Variants in ACTL6B observed in about 807,000 individuals in gnomAD.
ACTL6B encodes the protein actin-like protein 6B.
ACTL6B carries 48 observed loss-of-function variants against 63.3 expected under a neutral mutation model. The observed-to-expected ratio is 0.76, with a 90% confidence interval of 0.60 to 0.96. The LOEUF is 0.96. Among genes scored for constraint, ACTL6B ranks in the 50% least tolerant of loss-of-function variants. The pLI is 0.00. For missense variants in ACTL6B, 350 were observed against 572.2 expected (o/e 0.61, Z 3.96); for synonymous variants, 230 against 223.8 (o/e 1.03, Z -0.25).
chr7:100,644,250 T>C (rs1270795270), intron 13 of ACTL6B, among the ~76,000 whole-genome samples: 4 of 152,098 alleles, frequency 2.6e-5, no homozygotes, highest in African/African-American at 9.7e-5. Flanking sequence ...CCCAGCCTGG[T>C]CTCAAACTCC....
intron 13 of ACTL6B, among the ~76,000 whole-genome samples, chr7:100,644,256 A>G (rs1471263223): frequency 6.6e-6 from 1 of 151,464 alleles, no homozygotes; most frequent in East Asian, 1.9e-4. Context: ...CTGGTCTCAA[A>G]CTCCTGGGCT....
rs998928845 is a variant in ACTL6B, at chr7:100,643,247, CA to C, written c.1279del (p.Ter427AspfsTer34). On this transcript the variant is annotated frameshift_variant and stop_lost, in exon 14 of 14. Transcript: ENST00000160382. LOFTEE classifies it high-confidence loss of function. ...GCAGGTGTGTGGGGAGGAGTGCCATCAGGGGCACTTTCGCTCCACGCACTGC... is the reference window on the plus strand; with the variant it reads ...GCAGGTGTGTGGGGAGGAGTGCCATCGGGGCACTTTCGCTCCACGCACTGC... ...GKQCVERKCP[*>X] 3.1e-6 allele frequency: 5 copies of C among 1,613,824 alleles called. No individual in the cohort carries two copies. Among genetic ancestry groups the C allele is most frequent in the Non-Finnish European group, 4.2e-6 (5 of 1,179,932 alleles).
chr7:100,655,479 A>G lies in ACTL6B; in HGVS notation c.210T>C (p.Asn70=). The change falls in exon 3 of 14, where the codon AAT becomes AAC. Residue 70 remains asparagine, a synonymous_variant. Coordinates refer to ENST00000160382, the MANE Select transcript of ACTL6B (RefSeq NM_016188.5). The surrounding 1 kb of genome is among the most constrained non-coding windows in gnomAD (Gnocchi z 4.4). ...CTCCATCCCGAGGCACGTGCAGGGCATTGGTGTCGATGTGGAAGATCTTCC... is the reference window on the plus strand; with the variant it reads ...CTCCATCCCGAGGCACGTGCAGGGCGTTGGTGTCGATGTGGAAGATCTTCC... ...KKGKIFHIDT[N]ALHVPRDGAE... The G allele has an allele frequency of 2.5e-6, 4 of 1,614,080 alleles. No individual in the cohort carries two copies. The highest frequency in any genetic ancestry group is 3.4e-6 in the Non-Finnish European group (4 of 1,179,986).
At chr7:100,651,126 G>A (rs1803931803) in intron 4 of ACTL6B, among the ~76,000 whole-genome samples, 1 of 152,160 alleles carries the variant, frequency 6.6e-6, no homozygotes, top group Admixed American at 6.6e-5. Flanking sequence ...GAAGGACAAT[G>A]GAAAAGTGCC....
At position 100,646,369 on chromosome 7, in the gene ACTL6B, C is replaced by G; in HGVS notation, c.1114-34G>C. The G allele has an allele frequency of 6.2e-7, 1 of 1,608,752 alleles. No homozygotes were observed. The highest frequency in any genetic ancestry group is 8.5e-7 in the Non-Finnish European group (1 of 1,177,230). On this transcript the variant is annotated intron_variant, in intron 12 of 13. Transcript: ENST00000160382. The surrounding 1 kb of genome is among the most constrained non-coding windows in gnomAD (Gnocchi z 6.1). ...AAAAAGGGGCTGGGGGAAGCAGACA[C>G]CTAGGTTCTGGGAAGGGACAGGGCT...
rs1209628819 is a variant in ACTL6B, at chr7:100,647,960, C to CT, written c.670-428dup. Reference sequence around the variant, plus strand: ...ATATCATGCTGTTGGTCACACAGCTCTTTTTTTTTTTTTTTTTCAGATGGA... The same window carrying CT: ...ATATCATGCTGTTGGTCACACAGCTCTTTTTTTTTTTTTTTTTTCAGATGGA... On this transcript the variant is annotated intron_variant, in intron 7 of 13. Coordinates refer to ENST00000160382, the MANE Select transcript of ACTL6B (RefSeq NM_016188.5). This position sits in a 1 kb window ranked among gnomAD's most constrained non-coding sequence, Gnocchi z 4.4. 0.18 allele frequency among the ~76,000 whole-genome samples: 23,928 copies of CT among 134,068 alleles called. 2,336 individuals carry two copies. The highest frequency in any genetic ancestry group is 0.21 in the Non-Finnish European group (13,322 of 62,438). 88.0% of individuals were successfully genotyped at this position (134,068 alleles called of 152,430 possible).
chr7:100,653,407 T>C (rs1803978909), intron 4 of ACTL6B, among the ~76,000 whole-genome samples: 1 of 151,538 alleles, frequency 6.6e-6, no homozygotes, highest in South Asian at 2.1e-4. Context: ...CCCAGCCTTT[T>C]GGGAGGCCGA....
At position 100,648,490 on chromosome 7, in the gene ACTL6B, G is replaced by A. The variant is rs1486005774; in HGVS notation, c.669+66C>T. The A allele has an allele frequency of 5.1e-6, 7 of 1,360,246 alleles. No individual in the cohort carries two copies. Among genetic ancestry groups the A allele is most frequent in the East Asian group, 2.5e-5 (1 of 39,858 alleles). 84.3% of individuals were successfully genotyped at this position (1,360,246 alleles called of 1,614,324 possible). On this transcript the variant is annotated intron_variant, in intron 7 of 13. Transcript: ENST00000160382. This position sits in a 1 kb window ranked among gnomAD's most constrained non-coding sequence, Gnocchi z 4.4. ...CTGCTCTGATATCTCATGTGTCAGA[G>A]GGTTGACGGCCATGGGGCGAGTGGC...
chr7:100,656,183 C>A (rs560765712), intron 1 of ACTL6B, 147 bp downstream of exon 1: 3 of 1,013,548 alleles, frequency 3.0e-6, no homozygotes, highest in East Asian at 3.2e-5. Flanking sequence ...TGGGGAGGAC[C>A]GAGCGCAGGG....
intron 4 of ACTL6B, among the ~76,000 whole-genome samples, chr7:100,653,781 C>T (rs983534211): frequency 3.3e-5 from 5 of 151,960 alleles, no homozygotes; most frequent in Admixed American, 2.6e-4. Context: ...GAGAGCTAAG[C>T]GATCATTTTC....
Position 100,646,604 on chromosome 7 carries a change from G to T in ACTL6B, c.1060C>A (p.Leu354Met). ...SVIVTGGNTL[L>M]QGFTDRLNRE... Reference sequence around the variant, plus strand: ...TTGAGCCTGTCAGTGAAGCCCTGCAGCAGTGTGTTCCCGCCGGTGACAATG... The same window carrying T: ...TTGAGCCTGTCAGTGAAGCCCTGCATCAGTGTGTTCCCGCCGGTGACAATG... The change falls in exon 12 of 14, where the codon CTG becomes ATG. Residue 354 changes from leucine (L) to methionine (M), a missense_variant. By Grantham distance (15) the Leu-to-Met change is conservative. Around this residue, in one of 3 missense-constraint regions of ACTL6B, gnomAD observed 76 missense variants for 126.1 expected, o/e 0.60. Transcript: ENST00000160382. The surrounding 1 kb of genome is among the most constrained non-coding windows in gnomAD (Gnocchi z 6.1). 4 of 1,614,044 alleles carry T rather than the reference G, an allele frequency of 2.5e-6. No individual in the cohort carries two copies. Among genetic ancestry groups the T allele is most frequent in the Non-Finnish European group, 3.4e-6 (4 of 1,180,016 alleles).
chr7:100,651,686 C>A (rs1159296051), intron 4 of ACTL6B, among the ~76,000 whole-genome samples: 1 of 151,980 alleles, frequency 6.6e-6, no homozygotes, highest in Admixed American at 6.6e-5. Flanking sequence ...TGGGTACAAG[C>A]AATTCTCTTG....
In ACTL6B at chr7:100,646,450, C is replaced by T; in HGVS notation, c.1113+101G>A. 3 of 1,551,622 alleles carry T rather than the reference C, an allele frequency of 1.9e-6. No homozygotes were observed. The highest frequency in any genetic ancestry group is 1.1e-5 in the South Asian group (1 of 89,280). On this transcript the variant is annotated intron_variant, in intron 12 of 13. Coordinates refer to ENST00000160382, the MANE Select transcript of ACTL6B (RefSeq NM_016188.5). This position sits in a 1 kb window ranked among gnomAD's most constrained non-coding sequence, Gnocchi z 6.1. The stretch of plus-strand genomic sequence containing the variant: ...AGGGGCAGGGGTTCTGCTCTGGTGG[C>T]CAGAACAGAAGGAAGGACATGGGAA...
In ACTL6B at chr7:100,647,705, C is replaced by G. The variant is rs1183789568; in HGVS notation, c.670-172G>C. ...TGGAGAGGAGAGAGAATGGGGCATGCCTCTCTCTCCATGTGTGCCTTTCAT... is the reference window on the plus strand; with the variant it reads ...TGGAGAGGAGAGAGAATGGGGCATGGCTCTCTCTCCATGTGTGCCTTTCAT... On this transcript the variant is annotated intron_variant, in intron 7 of 13. Transcript: ENST00000160382. This position sits in a 1 kb window ranked among gnomAD's most constrained non-coding sequence, Gnocchi z 4.4. 1 of 579,800 alleles carries G rather than the reference C, an allele frequency of 1.7e-6. No individual in the cohort carries two copies. The highest frequency in any genetic ancestry group is 1.9e-5 in the African/African-American group (1 of 53,600). The allele number at this position is 579,800 out of a possible 1,614,324, so 35.9% of individuals were successfully genotyped here.
chr7:100,651,718 G>T (rs188347789), intron 4 of ACTL6B, among the ~76,000 whole-genome samples: 88 of 152,000 alleles, frequency 5.8e-4, no homozygotes, highest in Non-Finnish European at 7.4e-5. Context: ...CGAGTAGCTG[G>T]TACTACAAGC....
intron 1 of ACTL6B, 104 bp downstream of exon 1, chr7:100,656,226 G>T: frequency 7.8e-7 from 1 of 1,277,128 alleles, no homozygotes; most frequent in Non-Finnish European, 1.0e-6. Flanking sequence ...GACTCGACCC[G>T]CTCGTGCGCG....
chr7:100,655,323 T>C lies in ACTL6B; in HGVS notation c.268+98A>G. 4 of 1,418,748 alleles carry C rather than the reference T, an allele frequency of 2.8e-6. No individual in the cohort carries two copies. In the South Asian group the frequency reaches 3.9e-5, roughly 14 times the overall value. The allele number at this position is 1,418,748 out of a possible 1,614,324, so 87.9% of individuals were successfully genotyped here. A position where few individuals can be genotyped will look rare whatever the true frequency, so the allele number is the denominator to read the frequency against. On this transcript the variant is annotated intron_variant, in intron 3 of 13. Transcript: ENST00000160382. The surrounding 1 kb of genome is among the most constrained non-coding windows in gnomAD (Gnocchi z 4.4). ...CTGGCAGCCAGAAGAACCCTGGGGC[T>C]GCAAGGAAGACTCCGCGGGGAGTGG...
At position 100,647,344 on chromosome 7, in the gene ACTL6B, CGCTCCCCCTCCCT is replaced by C. The variant is rs914744923; in HGVS notation, c.760-73_760-61del. 5.0e-4 allele frequency: 798 copies of C among 1,603,930 alleles called. No homozygotes were observed. The highest frequency in any genetic ancestry group is 6.4e-4 in the South Asian group (58 of 90,836). The stretch of plus-strand genomic sequence containing the variant: ...TCCCCGTGAGCAGCACCCCCTGCCC[CGCTCCCCCTCCCT>C]GCTCCCCCTCCCATGCGGGGCCTCT... On this transcript the variant is annotated intron_variant, in intron 8 of 13. Coordinates refer to ENST00000160382, the MANE Select transcript of ACTL6B (RefSeq NM_016188.5). The surrounding 1 kb of genome is among the most constrained non-coding windows in gnomAD (Gnocchi z 4.4).
At chr7:100,644,357 A>C (rs958737465) in intron 13 of ACTL6B, among the ~76,000 whole-genome samples, 3 of 152,098 alleles carry the variant, frequency 2.0e-5, no homozygotes, top group African/African-American at 7.2e-5. Flanking sequence ...CTCAGCCTAC[A>C]CACATGTGCT....
Sources: allele counts gnomAD v4.1 joint callset (sites outside exome capture counted in the v4.1 genomes callset), GRCh38; gene constraint gnomAD v4.1.1; regional missense constraint gnomAD v4.1.1; non-coding constraint Gnocchi (gnomAD v3.1); transcripts MANE v1.5; gene names NCBI Gene and HGNC (gene_info 2026-07-23, HGNC 2026-07-21).